The following PVT1 variants were observed in gnomAD, a reference collection of about 807,000 sequenced individuals.
PVT1 encodes CXCR4/PVT1 fusion.
chr8:127,896,238 G>A (rs189361424), intron 3 of PVT1, among the ~76,000 whole-genome samples: 1 of 152,200 alleles, frequency 6.6e-6, no homozygotes, highest in East Asian at 1.9e-4. Flanking sequence ...AAAACGTAAA[G>A]GCATGTGCAT....
intron 2 of PVT1, among the ~76,000 whole-genome samples, chr8:127,826,432 A>G (rs553162309): frequency 1.5e-4 from 23 of 152,250 alleles, no homozygotes; most frequent in African/African-American, 5.5e-4. Flanking sequence ...CCTGCACTTT[A>G]GTTCTTCAGG....
chr8:127,849,970 G>A (rs1354979399), intron 2 of PVT1, among the ~76,000 whole-genome samples: 7 of 150,460 alleles, frequency 4.7e-5, no homozygotes, highest in Non-Finnish European at 8.9e-5. Context: ...GCTCCTGCGT[G>A]CACGTGCGTG....
At chr8:127,854,090 G>A (rs72718574) in intron 2 of PVT1, among the ~76,000 whole-genome samples, 23 of 152,292 alleles carry the variant, frequency 1.5e-4, no homozygotes, top group Non-Finnish European at 2.4e-4. Context: ...ACCCTCCTCC[G>A]ATCTAGCATG....
chr8:128,098,093 A>G (rs973730793), intron 6 of PVT1, among the ~76,000 whole-genome samples: 1 of 152,104 alleles, frequency 6.6e-6, no homozygotes, highest in Non-Finnish European at 1.5e-5. Flanking sequence ...TCCTAGGGGC[A>G]GTTCCTGTGT....
chr8:127,834,116 A>G (rs1255723321), intron 2 of PVT1, among the ~76,000 whole-genome samples: 1 of 151,962 alleles, frequency 6.6e-6, no homozygotes, highest in Non-Finnish European at 1.5e-5. Flanking sequence ...CCTCACCTAC[A>G]CTTATTAACT....
At chr8:127,966,459 T>C (rs1816703743) in intron 3 of PVT1, among the ~76,000 whole-genome samples, 1 of 152,202 alleles carries the variant, frequency 6.6e-6, no homozygotes, top group Admixed American at 6.5e-5. Flanking sequence ...GGAATTGTTT[T>C]CCACTATACC....
chr8:127,866,451 ATCAT>A (rs938801422), intron 2 of PVT1, among the ~76,000 whole-genome samples: 3 of 152,158 alleles, frequency 2.0e-5, no homozygotes, highest in African/African-American at 7.2e-5. Context: ...CTGCTCTTGG[ATCAT>A]AGGCACTGGG....
intron 4 of PVT1, among the ~76,000 whole-genome samples, chr8:128,041,005 G>C (rs1301796410): frequency 6.9e-6 from 1 of 145,714 alleles, no homozygotes; most frequent in African/African-American, 2.5e-5. Flanking sequence ...TTATGCTTTT[G>C]TGTTTCTGTG....
Position 128,098,917 on chromosome 8 carries a change from G to A in PVT1, n.1251+2263G>A, listed in dbSNP as rs375327129. Among the ~76,000 whole-genome samples the A allele has an allele frequency of 2.0e-5, 3 of 152,118 alleles. No homozygotes were observed. In the South Asian group the frequency reaches 6.2e-4, roughly 32 times the overall value. On this transcript the variant is annotated intron_variant and non_coding_transcript_variant, in intron 6 of 10. Coordinates refer to ENST00000651587, the Ensembl canonical transcript of PVT1. The stretch of plus-strand genomic sequence containing the variant: ...GTGAGTCCTGCACTGAATTTCCATG[G>A]GATCATTGCTTGCTAACATTTGTGA...
intron 4 of PVT1, among the ~76,000 whole-genome samples, chr8:128,055,720 G>A (rs1295455892): frequency 1.3e-5 from 2 of 152,186 alleles, no homozygotes; most frequent in South Asian, 2.1e-4. Context: ...TAGGAGTCTG[G>A]TGCTTCAGCT....
chr8:127,892,139 G>C (rs559976286), intron 3 of PVT1, among the ~76,000 whole-genome samples: 2 of 152,326 alleles, frequency 1.3e-5, no homozygotes, highest in South Asian at 2.1e-4. Context: ...TCCTAGTTCG[G>C]CTCATGCCTG....
chr8:127,853,938 C>T (rs368283492), intron 2 of PVT1, among the ~76,000 whole-genome samples: 44 of 152,320 alleles, frequency 2.9e-4, no homozygotes, highest in African/African-American at 9.4e-4. Context: ...GCCCCCATCC[C>T]GTGGCCCTTG....
chr8:127,869,550 A>C (rs1483167626), intron 2 of PVT1, among the ~76,000 whole-genome samples: 4 of 152,196 alleles, frequency 2.6e-5, no homozygotes, highest in African/African-American at 9.6e-5. Flanking sequence ...GGGACAAAGA[A>C]GATGGTAGAC....
At chr8:127,902,520 T>C (rs1020716205) in intron 3 of PVT1, among the ~76,000 whole-genome samples, 170 of 152,028 alleles carry the variant, frequency 1.1e-3, no homozygotes, top group Non-Finnish European at 7.4e-5. Context: ...GTTTGGAGTA[T>C]GATTGAACTC....
intron 3 of PVT1, among the ~76,000 whole-genome samples, chr8:127,897,564 AGAAG>A (rs1276795677): frequency 6.6e-6 from 1 of 151,024 alleles, no homozygotes; most frequent in Admixed American, 6.6e-5. Context: ...AAGGAAAGAA[AGAAG>A]GAAGGAAAGA....
At chr8:127,837,349 C>T (rs956263328) in intron 2 of PVT1, among the ~76,000 whole-genome samples, 3 of 151,672 alleles carry the variant, frequency 2.0e-5, no homozygotes, top group Non-Finnish European at 4.4e-5. Context: ...GGGTGGGCCT[C>T]AGCTGCTGCC....
chr8:127,794,586 G>T (rs1375553753), exon 1 of PVT1: 1 of 152,400 alleles, frequency 6.6e-6, no homozygotes, highest in Non-Finnish European at 1.5e-5. Flanking sequence ...GGCCGGGCGG[G>T]CTCGGGGCGG....
At chr8:127,949,536 CCTATT>C (rs1029657421) in intron 3 of PVT1, among the ~76,000 whole-genome samples, 6 of 151,818 alleles carry the variant, frequency 4.0e-5, no homozygotes, top group Non-Finnish European at 7.4e-5. Flanking sequence ...GCATCCTCTC[CCTATT>C]CAGCCACCCC....
chr8:127,926,442 T>C (rs1032479841), intron 3 of PVT1, among the ~76,000 whole-genome samples: 3 of 152,206 alleles, frequency 2.0e-5, no homozygotes, highest in South Asian at 2.1e-4. Context: ...GAGATTAGCC[T>C]TCCTCCAACT....
Sources: allele counts gnomAD v4.1 joint callset (sites outside exome capture counted in the v4.1 genomes callset), GRCh38; gene constraint gnomAD v4.1.1; transcripts MANE v1.5; gene names NCBI Gene and HGNC (gene_info 2026-07-23, HGNC 2026-07-21).